The following MITF variants were observed in gnomAD, a reference collection of about 807,000 sequenced individuals.
MITF encodes the protein melanocyte inducing transcription factor.
MITF carries 17 observed loss-of-function variants against 60.5 expected under a neutral mutation model. The observed-to-expected ratio is 0.28, with a 90% CI of 0.19 to 0.42. The LOEUF is 0.42. Among genes scored for constraint, MITF ranks in the 10% least tolerant of loss-of-function variants. The probability of loss-of-function intolerance (pLI) is 1.00; values close to 1 mark genes in which losing one functional copy is unlikely to be tolerated. For missense variants in MITF, 622 were observed against 683.5 expected, an observed-to-expected ratio of 0.91 and a Z score of 1.00; for synonymous variants, 260 against 248.5, an observed-to-expected ratio of 1.05 and a Z score of -0.43.
intron 2 of MITF, among the ~76,000 whole-genome samples, chr3:69,912,778 G>C (rs2107393523): frequency 6.6e-6 from 1 of 152,240 alleles, no homozygotes; most frequent in Middle Eastern, 3.4e-3. Flanking sequence ...AGGAATTTGG[G>C]CTGCATCTCT....
chr3:69,857,307 C>T (rs773102602), intron 1 of MITF, among the ~76,000 whole-genome samples: 1 of 152,062 alleles, frequency 6.6e-6, no homozygotes, highest in Non-Finnish European at 1.5e-5. Context: ...ACCTGTGGCA[C>T]ATTAACCTCT....
rs2107560491 is a variant in MITF at position 69,968,162 on chromosome 3, C to T, written c.*2914C>T. On this transcript the variant is annotated 3_prime_UTR_variant, in exon 10 of 10. Transcript: ENST00000352241. ...TTTCTTGATAAAAAATGACAAATGA[C>T]TGTCTCTTGCGGATGCTTGGTACTG... The T allele has an allele frequency of 4.3e-6, 1 of 233,142 alleles. No homozygotes were observed. The highest frequency in any genetic ancestry group is 2.2e-5 in the African/African-American group (1 of 45,428). 14.4% of individuals were successfully genotyped at this position (233,142 alleles called of 1,614,324 possible).
chr3:69,742,953 A>G (rs921788282), intron 1 of MITF, among the ~76,000 whole-genome samples: 3 of 152,052 alleles, frequency 2.0e-5, no homozygotes, highest in South Asian at 2.1e-4. Context: ...TAATTTTCCA[A>G]TATGTTATGT....
intron 1 of MITF, among the ~76,000 whole-genome samples, chr3:69,753,684 G>A (rs1704020642): frequency 6.6e-6 from 1 of 151,996 alleles, no homozygotes; most frequent in Non-Finnish European, 1.5e-5. Flanking sequence ...AGAGTCAAAG[G>A]AGATTATTTT....
chr3:69,915,074 T>A (rs988099652), intron 2 of MITF, among the ~76,000 whole-genome samples: 7 of 152,196 alleles, frequency 4.6e-5, no homozygotes, highest in African/African-American at 1.7e-4. Flanking sequence ...TATTCCTTTA[T>A]GTCACAAGGA....
At chr3:69,830,294 C>T (rs964183258) in intron 1 of MITF, among the ~76,000 whole-genome samples, 2 of 152,148 alleles carry the variant, frequency 1.3e-5, no homozygotes, top group African/African-American at 4.8e-5. Flanking sequence ...TGCATTTGGG[C>T]TGGCCTCCTC....
chr3:69,935,733 T>C (rs550085191), intron 2 of MITF, among the ~76,000 whole-genome samples: 1 of 152,348 alleles, frequency 6.6e-6, no homozygotes, highest in African/African-American at 2.4e-5. Flanking sequence ...TTTTCTTTTT[T>C]TGCCTCACCC....
intron 1 of MITF, among the ~76,000 whole-genome samples, chr3:69,836,294 A>G (rs2063539443): frequency 6.6e-6 from 1 of 152,176 alleles, no homozygotes; most frequent in Non-Finnish European, 1.5e-5. Flanking sequence ...GCATATAGAA[A>G]TACTACTGAT....
rs567842156 is a variant in MITF, at chr3:69,949,092, A to G, written c.804A>G (p.Gln268=). Residue 268 remains glutamine, a synonymous_variant, in exon 6 of 10, where the codon CAA becomes CAG. Coordinates refer to ENST00000352241, the MANE Select transcript of MITF (RefSeq NM_001354604.2). The part of the protein sequence containing the change: ...SGNLIDLYGN[Q]GLPPPGLTIS... The stretch of plus-strand genomic sequence containing the variant: ...ACTTGATTGATCTTTATGGAAACCA[A>G]GGTCTGCCCCCACCAGGCCTCACCA... 6.2e-7 allele frequency: 1 copy of G among 1,613,628 alleles called. No homozygotes were observed. Among genetic ancestry groups the G allele is most frequent in the African/African-American group, 1.3e-5 (1 of 74,874 alleles).
chr3:69,796,046 A>G (rs1367518832), intron 1 of MITF, among the ~76,000 whole-genome samples: 4 of 152,014 alleles, frequency 2.6e-5, no homozygotes, highest in African/African-American at 4.8e-5. Context: ...CAGTGGCACA[A>G]TCTTGACTCA....
At chr3:69,791,223 G>A (rs891451179) in intron 1 of MITF, among the ~76,000 whole-genome samples, 2 of 152,188 alleles carry the variant, frequency 1.3e-5, no homozygotes, top group Admixed American at 6.5e-5. Context: ...GAAATGCTGT[G>A]ATTGGCGCCA....
intron 1 of MITF, among the ~76,000 whole-genome samples, chr3:69,875,388 C>T (rs555837141): frequency 6.6e-5 from 10 of 152,266 alleles, no homozygotes; most frequent in South Asian, 6.2e-4. Flanking sequence ...AATTTTAAGG[C>T]GTCTCAGAAG....
At chr3:69,797,023 A>G (rs551491485) in intron 1 of MITF, among the ~76,000 whole-genome samples, 5 of 152,360 alleles carry the variant, frequency 3.3e-5, no homozygotes, top group Admixed American at 2.0e-4. Context: ...AACATAAGCT[A>G]AATACATTAG....
chr3:69,878,666 A>T (rs9827735), intron 1 of MITF, among the ~76,000 whole-genome samples: 4,019 of 152,272 alleles, frequency 0.026, 167 homozygotes, highest in African/African-American at 0.089. Flanking sequence ...TTTAATCAAT[A>T]TTTGTTAGTA....
chr3:69,959,873 G>A (rs1247838910), intron 9 of MITF, among the ~76,000 whole-genome samples: 1 of 152,228 alleles, frequency 6.6e-6, no homozygotes, highest in Non-Finnish European at 1.5e-5. Context: ...AGGCCGTGAT[G>A]TGCTTACAGA....
intron 9 of MITF, among the ~76,000 whole-genome samples, chr3:69,959,753 G>A (rs772193183): frequency 2.0e-5 from 3 of 152,100 alleles, no homozygotes; most frequent in Admixed American, 6.5e-5. Context: ...CTCCTTTCGT[G>A]GTCTGTTGAG....
At chr3:69,753,330 G>A (rs1055577775) in intron 1 of MITF, among the ~76,000 whole-genome samples, 4 of 152,238 alleles carry the variant, frequency 2.6e-5, no homozygotes, top group Admixed American at 1.3e-4. Context: ...AGGATGTATG[G>A]AAAAACTTGG....
chr3:69,931,462 T>C (rs2065720944), intron 2 of MITF, among the ~76,000 whole-genome samples: 1 of 152,204 alleles, frequency 6.6e-6, no homozygotes, highest in Admixed American at 6.5e-5. Context: ...TATGCCTGTC[T>C]TGTGGTTTAT....
intron 1 of MITF, among the ~76,000 whole-genome samples, chr3:69,755,224 C>T (rs1159822245): frequency 1.3e-5 from 2 of 152,166 alleles, no homozygotes; most frequent in East Asian, 1.9e-4. Flanking sequence ...ATTGGGGTTA[C>T]ACAATACCAA....
Sources: allele counts gnomAD v4.1 joint callset (sites outside exome capture counted in the v4.1 genomes callset), GRCh38; gene constraint gnomAD v4.1.1; transcripts MANE v1.5; gene names NCBI Gene and HGNC (gene_info 2026-07-23, HGNC 2026-07-21).